Variants in SFI1 observed in about 807,000 individuals in gnomAD.
SFI1 encodes the protein protein SFI1 homolog.
A neutral mutation model predicts 207.5 loss-of-function variants in SFI1; 195 were observed. The observed-to-expected ratio is 0.94, with a 90% CI of 0.84 to 1.06. The LOEUF (loss-of-function observed/expected upper bound fraction) is 1.06. SFI1 is among the 50% of genes least tolerant of loss of function. SFI1 has a pLI of 0.00. For missense variants in SFI1, 1,634 were observed against 1,588.0 expected (o/e 1.03, Z -0.49); for synonymous variants, 630 against 598.9 (o/e 1.05, Z -0.76).
intron 2 of SFI1, among the ~76,000 whole-genome samples, chr22:31,524,798 G>A (rs769583549): frequency 7.3e-6 from 1 of 136,512 alleles, no homozygotes; most frequent in Non-Finnish European, 1.6e-5. Context: ...TATAATATTT[G>A]TAATCCCATT....
intron 1 of SFI1, among the ~76,000 whole-genome samples, chr22:31,504,906 C>T (rs1337595312): frequency 1.3e-5 from 2 of 152,172 alleles, no homozygotes; most frequent in African/African-American, 4.8e-5. Context: ...CATGTGACCT[C>T]ATCTTAACTT....
At position 31,615,273 on chromosome 22, in the gene SFI1, AGCCAG is replaced by A; in HGVS notation, c.3296_3300del (p.Ala1099GlyfsTer9). On this transcript the variant is annotated frameshift_variant and splice_region_variant, in exon 29 of 33. Transcript: ENST00000400288. LOFTEE classifies it high-confidence loss of function. ...TCATGCCCTGCGGGGCGGCTGCACC[AGCCAG>A]GGTACGTCCTCCACCACCAGGCCTG... is the stretch of plus-strand genomic sequence containing the variant. 6.7e-7 allele frequency: 1 copy of A among 1,493,650 alleles called. No individual in the cohort carries two copies. The highest frequency in any genetic ancestry group is 8.9e-7 in the Non-Finnish European group (1 of 1,128,974). 92.5% of individuals were successfully genotyped at this position (1,493,650 alleles called of 1,614,324 possible). A position where few individuals can be genotyped will look rare whatever the true frequency, so the allele number is the denominator to read the frequency against.
intron 15 of SFI1, among the ~76,000 whole-genome samples, chr22:31,593,159 C>CG (rs1207614883): frequency 1.3e-5 from 2 of 148,636 alleles, no homozygotes; most frequent in Non-Finnish European, 3.0e-5. Flanking sequence ...CCTTCCCGGA[C>CG]GGGGTGGCTG....
intron 4 of SFI1, among the ~76,000 whole-genome samples, 197 bp downstream of exon 4, chr22:31,531,326 A>G (rs970421179): frequency 2.0e-5 from 3 of 152,188 alleles, no homozygotes; most frequent in Non-Finnish European, 4.4e-5. Context: ...AGCTGCATTC[A>G]TGGTGAGCTG....
chr22:31,551,761 G>GT (rs1267127260), intron 6 of SFI1, among the ~76,000 whole-genome samples: 7 of 152,268 alleles, frequency 4.6e-5, no homozygotes, highest in Non-Finnish European at 1.5e-5. Flanking sequence ...AACTGGCAAG[G>GT]TTTTTTATCA....
intron 8 of SFI1, among the ~76,000 whole-genome samples, chr22:31,570,424 A>G (rs1174642382): frequency 6.6e-6 from 1 of 152,032 alleles, no homozygotes; most frequent in African/African-American, 2.4e-5. Context: ...GTGGGAAGAG[A>G]TTAGGAGGAG....
chr22:31,588,725 A>G (rs1207952967), intron 14 of SFI1, among the ~76,000 whole-genome samples: 1 of 152,022 alleles, frequency 6.6e-6, no homozygotes, highest in Admixed American at 6.6e-5. Context: ...AGGCAGGAGA[A>G]TCACTTGAAC....
chr22:31,505,863 A>G (rs1178980904), intron 1 of SFI1, among the ~76,000 whole-genome samples: 2 of 151,196 alleles, frequency 1.3e-5, no homozygotes, highest in African/African-American at 2.4e-5. Context: ...CAGCCTGGAT[A>G]ATAACATGAG....
chr22:31,609,327 G>A (rs1253606054), intron 22 of SFI1, among the ~76,000 whole-genome samples: 1 of 152,100 alleles, frequency 6.6e-6, no homozygotes, highest in Non-Finnish European at 1.5e-5. Flanking sequence ...AAAATCTTTG[G>A]AAAGATAGTC....
intron 4 of SFI1, 21 bp from the exon 5 acceptor site, chr22:31,546,840 A>T: frequency 2.7e-6 from 4 of 1,455,062 alleles, no homozygotes; most frequent in Non-Finnish European, 3.8e-6. Context: ...ATATATATAT[A>T]TGATTTTTTT....
chr22:31,604,349 G>T lies in SFI1; in HGVS notation c.1922G>T (p.Arg641Leu). The T allele has an allele frequency of 1.3e-6, 2 of 1,579,816 alleles. No individual in the cohort carries two copies. Among genetic ancestry groups the T allele is most frequent in the East Asian group, 2.3e-5 (1 of 43,654 alleles). ...GGAGCGGAGCGGCAGAAGCTGATGC[G>T]AGCAGACCTGCACCACCAGCACAGC... ...LRGAERQKLM[R>L]ADLHHQHSVL... The change falls in exon 19 of 33, where the codon CGA becomes CTA. Residue 641 changes from arginine to leucine, a missense_variant. Transcript: ENST00000400288.
intron 8 of SFI1, among the ~76,000 whole-genome samples, chr22:31,571,035 G>A (rs1307431598): frequency 6.6e-6 from 1 of 152,236 alleles, no homozygotes; most frequent in Non-Finnish European, 1.5e-5. Context: ...GCTCAAGAAA[G>A]CCTGCCTGGG....
At chr22:31,521,328 A>G (rs2057226722) in intron 2 of SFI1, 1 of 175,930 alleles carries the variant, frequency 5.7e-6, no homozygotes, top group African/African-American at 2.4e-5. Context: ...CAGGTTGCAA[A>G]TGATGAGGGG....
intron 6 of SFI1, among the ~76,000 whole-genome samples, chr22:31,552,868 G>A (rs1290236297): frequency 1.3e-5 from 2 of 151,010 alleles, no homozygotes; most frequent in Non-Finnish European, 3.0e-5. Flanking sequence ...AAAGACAGGG[G>A]ATGTCTTGCT....
At chr22:31,530,561 G>A in intron 3 of SFI1, 1 of 467,210 alleles carries the variant, frequency 2.1e-6, no homozygotes, top group South Asian at 1.6e-5. Context: ...AGGTACTGGA[G>A]GTACTATAAA....
At chr22:31,500,539 C>T (rs909486261) in intron 1 of SFI1, among the ~76,000 whole-genome samples, 17 of 152,116 alleles carry the variant, frequency 1.1e-4, no homozygotes, top group African/African-American at 4.1e-4. Context: ...CTCACTGCAA[C>T]CTCTGCCTCC....
At chr22:31,580,490 A>C (rs1300893468) in intron 12 of SFI1, 126 bp downstream of exon 12, 11 of 653,646 alleles carry the variant, frequency 1.7e-5, no homozygotes. Flanking sequence ...AGATTTGTCC[A>C]GACTGTCAAC....
chr22:31,600,387 G>A (rs1365834171), intron 15 of SFI1, among the ~76,000 whole-genome samples: 1 of 152,122 alleles, frequency 6.6e-6, no homozygotes, highest in Non-Finnish European at 1.5e-5. Context: ...AAGGTCAACT[G>A]GGGTTGAACG....
Position 31,613,339 on chromosome 22 carries a change from C to T in SFI1, c.2566-15C>T, listed in dbSNP as rs1233176958. 1 of 1,604,140 alleles carries T rather than the reference C, an allele frequency of 6.2e-7. No homozygotes were observed. Among genetic ancestry groups the T allele is most frequent in the Non-Finnish European group, 8.5e-7 (1 of 1,173,750 alleles). Reference sequence around the variant, plus strand: ...AGCAGGGAGACCTGGGCCTCACCTCCTGCCCTCCCTGGAGGTGTGGGCCAC... The same window carrying T: ...AGCAGGGAGACCTGGGCCTCACCTCTTGCCCTCCCTGGAGGTGTGGGCCAC... On this transcript the variant is annotated splice_polypyrimidine_tract_variant and intron_variant, in intron 25 of 32. Transcript: ENST00000400288.
Sources: gnomAD v4.1 joint callset for allele counts (sites outside exome capture counted in the v4.1 genomes callset) on GRCh38, gnomAD v4.1.1 for gene constraint, MANE v1.5 for transcripts, NCBI Gene and HGNC (gene_info 2026-07-23, HGNC 2026-07-21) for gene names.